The following TRPV2 variants were observed in gnomAD, a reference collection of about 807,000 sequenced individuals.
TRPV2 encodes the protein OTRPC2.
TRPV2 carries 58 observed loss-of-function variants against 91.0 expected under a neutral mutation model. The ratio of observed to expected loss-of-function variants is 0.64; its 90% CI spans 0.52 to 0.79. TRPV2 has a LOEUF of 0.79. Among genes scored for constraint, TRPV2 ranks in the 30% least tolerant of loss-of-function variants. The pLI, the probability that TRPV2 is intolerant of heterozygous loss-of-function variation, is 0.00. For missense variants in TRPV2, 807 were observed against 969.6 expected (o/e 0.83, Z 2.23); for synonymous variants, 417 against 414.8 (o/e 1.01, Z -0.06).
At chr17:16,430,300 CT>C (rs2093403670) in intron 10 of TRPV2, among the ~76,000 whole-genome samples, 1 of 152,140 alleles carries the variant, frequency 6.6e-6, no homozygotes, top group Non-Finnish European at 1.5e-5. Flanking sequence ...CATTAAACAA[CT>C]CCCCATTCCC....
chr17:16,426,772 G>A lies in TRPV2; in HGVS notation c.1146G>A (p.Ala382=), dbSNP rs763269951. Residue 382 remains alanine, a synonymous_variant, in exon 7 of 15, where the codon GCG becomes GCA. Coordinates refer to ENST00000338560, the MANE Select transcript of TRPV2 (RefSeq NM_016113.5). This position sits in a 1 kb window ranked among gnomAD's most constrained non-coding sequence, Gnocchi z 6.0. ...VLEPLNKLLQ[A]KWDLLIPKFF... is the part of the protein sequence containing the mutation. ...AGCCCCTGAACAAACTGCTGCAGGCGAAATGGGATCTGCTCATCCCCAAGT... is the reference window on the plus strand; with the variant it reads ...AGCCCCTGAACAAACTGCTGCAGGCAAAATGGGATCTGCTCATCCCCAAGT... 17 of 1,613,958 alleles carry A rather than the reference G, an allele frequency of 1.1e-5. No individual in the cohort carries two copies. Among genetic ancestry groups the A allele is most frequent in the East Asian group, 2.2e-5 (1 of 44,900 alleles).
intron 5 of TRPV2, 105 bp from the exon 6 acceptor site, chr17:16,425,994 C>A: frequency 7.6e-7 from 1 of 1,317,608 alleles, no homozygotes. Context: ...AGCTGCAGCT[C>A]TGCAGACCGT....
At chr17:16,418,861 T>C (rs1465772140) in intron 2 of TRPV2, among the ~76,000 whole-genome samples, 1 of 152,102 alleles carries the variant, frequency 6.6e-6, no homozygotes, top group Non-Finnish European at 1.5e-5. Context: ...CATGGTCATG[T>C]GTGGCTTCCT....
At chr17:16,431,284 TATACATA>T (rs1410674208) in intron 10 of TRPV2, among the ~76,000 whole-genome samples, 11 of 46,480 alleles carry the variant, frequency 2.4e-4, no homozygotes, top group African/African-American at 7.5e-4. Flanking sequence ...TATATATATA[TATACATA>T]TTTTTTTTTT....
chr17:16,423,776 C>CT lies in TRPV2; in HGVS notation c.924+10dup. On this transcript the variant is annotated intron_variant, in intron 5 of 14. Coordinates refer to ENST00000338560, the MANE Select transcript of TRPV2 (RefSeq NM_016113.5). ...AGGAGGGCAAGATCGAGGTGAGCGG[C>CT]TGTCCCCTTCCCACTTCCCCTCTCC... The CT allele has an allele frequency of 6.5e-7, 1 of 1,549,090 alleles. No individual in the cohort carries two copies.
At chr17:16,436,570 T>TG (rs1040751190) in intron 14 of TRPV2, among the ~76,000 whole-genome samples, 7 of 152,158 alleles carry the variant, frequency 4.6e-5, no homozygotes, top group East Asian at 1.9e-4. Flanking sequence ...TTTAAGCTCC[T>TG]GGGGGTGGCA....
chr17:16,424,033 A>G (rs902621092), intron 5 of TRPV2, among the ~76,000 whole-genome samples: 1 of 152,058 alleles, frequency 6.6e-6, no homozygotes, highest in African/African-American at 2.4e-5. Context: ...CTTGTTGCCC[A>G]GGCTGGAGTG....
chr17:16,434,325 G>A (rs377238102), intron 13 of TRPV2, among the ~76,000 whole-genome samples: 8 of 152,158 alleles, frequency 5.3e-5, no homozygotes, highest in South Asian at 4.2e-4. Flanking sequence ...AAAAGTAGCC[G>A]GGCGTGGTGG....
rs2093397079 is a variant in TRPV2, at chr17:16,428,856, G to A, written c.1461G>A (p.Leu487=). The A allele has an allele frequency of 6.2e-6, 10 of 1,613,944 alleles. No homozygotes were observed. Among genetic ancestry groups the A allele is most frequent in the Non-Finnish European group, 8.5e-6 (10 of 1,180,022 alleles). ...TGCTCACAGTGGTGTCCCAGGTGCTGTGTTTCCTGGCCATCGAGTGGTACC... is the reference window on the plus strand; with the variant it reads ...TGCTCACAGTGGTGTCCCAGGTGCTATGTTTCCTGGCCATCGAGTGGTACC... ...QALLTVVSQV[L]CFLAIEWYLP... is the part of the protein sequence containing the mutation. Residue 487 remains leucine, a synonymous_variant, in exon 10 of 15, where the codon CTG becomes CTA. Transcript: ENST00000338560.
At chr17:16,433,785 G>C (rs1358604919) in intron 13 of TRPV2, 87 bp downstream of exon 13, 2 of 1,549,756 alleles carry the variant, frequency 1.3e-6, no homozygotes, top group African/African-American at 2.7e-5. Context: ...CAGCTGCCAG[G>C]AGCCAGGTCT....
Position 16,426,491 on chromosome 17 carries a change from G to A in TRPV2, c.1095+222G>A, listed in dbSNP as rs1227199978. 6.6e-6 allele frequency among the ~76,000 whole-genome samples: 1 copy of A among 152,196 alleles called. No individual in the cohort carries two copies. Among genetic ancestry groups the A allele is most frequent in the Non-Finnish European group, 1.5e-5 (1 of 68,036 alleles). ...CGGGGATCATGCCAAGGGCCTCGTGGCAACCATCCGGGTCCTCTCTGTTAA... is the reference window on the plus strand; with the variant it reads ...CGGGGATCATGCCAAGGGCCTCGTGACAACCATCCGGGTCCTCTCTGTTAA... On this transcript the variant is annotated intron_variant, in intron 6 of 14. Transcript: ENST00000338560. The surrounding 1 kb of genome is among the most constrained non-coding windows in gnomAD (Gnocchi z 6.0).
chr17:16,425,716 A>G (rs780361396), intron 5 of TRPV2, among the ~76,000 whole-genome samples: 2 of 152,112 alleles, frequency 1.3e-5, no homozygotes, highest in Non-Finnish European at 2.9e-5. Flanking sequence ...ATTAGGGACC[A>G]CTTTCTAGTC....
Position 16,419,003 on chromosome 17 carries a change from C to T in TRPV2, c.201-1112C>T, listed in dbSNP as rs139359198. On this transcript the variant is annotated intron_variant, in intron 2 of 14. Transcript: ENST00000338560. ...CAGAGATTATGCCACCATACTCCAGCCTGGGTGTCAGTGTGACTCTGTCTC... is the reference window on the plus strand; with the variant it reads ...CAGAGATTATGCCACCATACTCCAGTCTGGGTGTCAGTGTGACTCTGTCTC... 9.4e-4 allele frequency among the ~76,000 whole-genome samples: 142 copies of T among 151,852 alleles called. 3 individuals carry two copies. In the East Asian group the frequency reaches 0.012, roughly 13 times the overall value.
At chr17:16,431,088 G>A (rs1422527845) in intron 10 of TRPV2, among the ~76,000 whole-genome samples, 1 of 148,704 alleles carries the variant, frequency 6.7e-6, no homozygotes, top group Non-Finnish European at 1.5e-5. Context: ...GACTCATTCA[G>A]TCACCCAGGC....
rs372486317 is a variant in TRPV2, at chr17:16,434,965, C to T, written c.2190C>T (p.Val730=). ...TLCEDPSGAG[V]PRTLENPVLA... ...GTGAGGACCCGTCAGGGGCAGGTGT[C>T]CCTCGTGAGTAGCCTGGTGACTAGA... The change falls in exon 14 of 15, where the codon GTC becomes GTT. Residue 730 remains valine, a synonymous_variant. Transcript: ENST00000338560. The T allele has an allele frequency of 2.5e-6, 4 of 1,609,726 alleles. No individual in the cohort carries two copies. In the African/African-American group the frequency reaches 4.0e-5, roughly 16 times the overall value.
chr17:16,426,234 G>C lies in TRPV2; in HGVS notation c.1060G>C (p.Val354Leu), dbSNP rs1283881107. The C allele has an allele frequency of 1.2e-6, 2 of 1,614,226 alleles. No individual in the cohort carries two copies. The highest frequency in any genetic ancestry group is 2.7e-5 in the African/African-American group (2 of 75,058). The change falls in exon 6 of 15, where the codon GTG (valine) becomes CTG (leucine). Residue 354 changes from valine to leucine, a missense_variant. Transcript: ENST00000338560. This position sits in a 1 kb window ranked among gnomAD's most constrained non-coding sequence, Gnocchi z 6.0. ...ASVDSCEENS[V>L]LEIIAFHCKS... is the part of the protein sequence containing the mutation. ...TGTGGACAGCTGTGAGGAGAACTCA[G>C]TGCTGGAGATCATTGCCTTTCATTG... is the stretch of plus-strand genomic sequence containing the variant.
intron 14 of TRPV2, 21 bp downstream of exon 14, chr17:16,434,990 A>G: frequency 6.2e-7 from 1 of 1,603,798 alleles, no homozygotes; most frequent in Non-Finnish European, 8.5e-7. Flanking sequence ...TGGTGACTAG[A>G]GCCTCTGCCC....
chr17:16,431,869 C>T lies in TRPV2; in HGVS notation c.1654+19C>T. ...GCTGTAGGTAAAGGCTCCCTCCGGC[C>T]CCCTCCCCCTTCCCCACGTTCCTTG... On this transcript the variant is annotated intron_variant, in intron 11 of 14. Transcript: ENST00000338560. The T allele has an allele frequency of 6.2e-7, 1 of 1,613,996 alleles. No homozygotes were observed. The highest frequency in any genetic ancestry group is 8.5e-7 in the Non-Finnish European group (1 of 1,179,910).
Position 16,427,983 on chromosome 17 carries a change from G to A in TRPV2, c.1351-334G>A, listed in dbSNP as rs1206320955. ...TGGACACCAAGACATTGGGACCTCC[G>A]CAGAGTGGGCAGAACTTGGGCACCA... On this transcript the variant is annotated intron_variant, in intron 8 of 14. Transcript: ENST00000338560. Among the ~76,000 whole-genome samples, 3 of 152,148 alleles carry A rather than the reference G, an allele frequency of 2.0e-5. No individual in the cohort carries two copies. The East Asian group carries it at 5.8e-4, about 29-fold the overall frequency.
Sources: gnomAD v4.1 joint callset for allele counts (sites outside exome capture counted in the v4.1 genomes callset) on GRCh38, gnomAD v4.1.1 for gene constraint, Gnocchi (gnomAD v3.1) non-coding constraint, MANE v1.5 for transcripts, NCBI Gene and HGNC (gene_info 2026-07-23, HGNC 2026-07-21) for gene names.